The following KLHL1 variants were observed in gnomAD, a reference collection of about 807,000 sequenced individuals.
The protein encoded by KLHL1 is kelch-like protein 1.
Under a neutral mutation model 77.7 loss-of-function variants are expected in KLHL1, and 47 were observed. That is an observed-to-expected ratio of 0.60 (90% CI 0.48 to 0.77). KLHL1 has a LOEUF of 0.77. KLHL1 is among the 30% of genes least tolerant of loss of function. KLHL1 has a pLI of 0.00. For synonymous variants in KLHL1, 360 were observed against 325.2 expected, an observed-to-expected ratio of 1.11 and a Z score of -1.15; for missense variants, 925 against 910.8, an observed-to-expected ratio of 1.02 and a Z score of -0.20.
intron 6 of KLHL1, among the ~76,000 whole-genome samples, chr13:69,835,961 TCAGA>T (rs1479501779): frequency 1.3e-5 from 2 of 152,222 alleles, no homozygotes; most frequent in South Asian, 2.1e-4. Context: ...TTAGTTTGTA[TCAGA>T]CAAACTGTTC....
At chr13:69,757,731 C>A (rs1269771432) in intron 7 of KLHL1, among the ~76,000 whole-genome samples, 1 of 152,050 alleles carries the variant, frequency 6.6e-6, no homozygotes, top group African/African-American at 2.4e-5. Context: ...GCCAGAGGAT[C>A]ACCTGAGGTC....
chr13:70,022,948 A>G (rs1206783742), intron 1 of KLHL1, among the ~76,000 whole-genome samples: 2 of 151,992 alleles, frequency 1.3e-5, no homozygotes, highest in African/African-American at 4.8e-5. Flanking sequence ...CCAGAACTAT[A>G]TCATGAGTTA....
In KLHL1 at chr13:69,885,295, T is replaced by C. The variant is rs9572303; in HGVS notation, c.1015-2800A>G. On this transcript the variant is annotated intron_variant, in intron 4 of 10. Coordinates refer to ENST00000377844, the MANE Select transcript of KLHL1 (RefSeq NM_020866.3). ...TAAATAATATTCCAATAATTTTGTATTTTTATAAGTTACACTAAATCTTTT... is the reference window on the plus strand; with the variant it reads ...TAAATAATATTCCAATAATTTTGTACTTTTATAAGTTACACTAAATCTTTT... Among the ~76,000 whole-genome samples the C allele has an allele frequency of 1.1e-4, 16 of 152,304 alleles. No homozygotes were observed. In the East Asian group the frequency reaches 2.9e-3, roughly 28 times the overall value.
intron 5 of KLHL1, among the ~76,000 whole-genome samples, chr13:69,848,933 G>T (rs1390741950): frequency 1.3e-5 from 2 of 151,410 alleles, no homozygotes; most frequent in African/African-American, 2.4e-5. Flanking sequence ...TATAATTTTT[G>T]ATTAACTTTT....
At chr13:69,991,457 G>C (rs1383252056) in intron 1 of KLHL1, among the ~76,000 whole-genome samples, 2 of 151,828 alleles carry the variant, frequency 1.3e-5, no homozygotes, top group Non-Finnish European at 2.9e-5. Context: ...AGAAAAGAGA[G>C]AAGATCCAAA....
chr13:69,939,956 A>C, intron 4 of KLHL1, 84 bp downstream of exon 4: 1 of 1,049,930 alleles, frequency 9.5e-7, no homozygotes, highest in South Asian at 2.0e-5. Flanking sequence ...AACTTAAAAA[A>C]CTTGCTAATG....
intron 1 of KLHL1, among the ~76,000 whole-genome samples, chr13:70,086,969 G>A (rs1031923442): frequency 6.6e-6 from 1 of 152,146 alleles, no homozygotes; most frequent in Non-Finnish European, 1.5e-5. Flanking sequence ...GGGGGGAATG[G>A]CATGATTGAT....
chr13:69,956,306 C>T (rs1162763931), intron 3 of KLHL1, among the ~76,000 whole-genome samples: 1 of 150,232 alleles, frequency 6.7e-6, no homozygotes, highest in Admixed American at 6.7e-5. Context: ...GTTTTTCAGA[C>T]CCCATCATAA....
At chr13:69,850,350 C>T (rs1337488788) in intron 5 of KLHL1, among the ~76,000 whole-genome samples, 1 of 151,354 alleles carries the variant, frequency 6.6e-6, no homozygotes, top group Non-Finnish European at 1.5e-5. Context: ...ATACATATTT[C>T]CAAAATTTGT....
intron 6 of KLHL1, among the ~76,000 whole-genome samples, chr13:69,823,254 G>T (rs1057019776): frequency 6.6e-6 from 1 of 152,060 alleles, no homozygotes; most frequent in African/African-American, 2.4e-5. Flanking sequence ...ATGTCTCAGA[G>T]AAATAGGAAA....
intron 1 of KLHL1, among the ~76,000 whole-genome samples, chr13:70,007,616 T>A (rs1885436084): frequency 1.3e-5 from 2 of 152,038 alleles, no homozygotes; most frequent in African/African-American, 4.8e-5. Flanking sequence ...AAAATAGTCA[T>A]GGGAAATAGG....
intron 4 of KLHL1, among the ~76,000 whole-genome samples, chr13:69,933,698 C>G (rs550655600): frequency 6.6e-6 from 1 of 152,130 alleles, no homozygotes; most frequent in Non-Finnish European, 1.5e-5. Context: ...AACAAGGCAG[C>G]CTTTAATTAG....
intron 6 of KLHL1, among the ~76,000 whole-genome samples, chr13:69,813,818 C>T (rs77623707): frequency 6.6e-6 from 1 of 152,276 alleles, no homozygotes; most frequent in African/African-American, 2.4e-5. Context: ...AATGTCCATA[C>T]TGCTCAAAGC....
intron 4 of KLHL1, chr13:69,894,889 A>G (rs1292833015): frequency 9.2e-6 from 3 of 326,690 alleles, no homozygotes; most frequent in Non-Finnish European, 1.8e-5. Flanking sequence ...TAGCACCTCT[A>G]TCATGGCATG....
At chr13:69,956,536 G>A (rs1883893199) in intron 3 of KLHL1, among the ~76,000 whole-genome samples, 1 of 151,534 alleles carries the variant, frequency 6.6e-6, no homozygotes, top group Admixed American at 6.6e-5. Flanking sequence ...TATTTTGAGA[G>A]CAAGACAGCG....
chr13:69,973,293 G>A (rs7319572), intron 2 of KLHL1, among the ~76,000 whole-genome samples: 93,752 of 151,408 alleles, frequency 0.62, 29,146 homozygotes, highest in Middle Eastern at 0.65. Flanking sequence ...CCTTCAATGA[G>A]GGCAATATGT....
chr13:70,100,471 C>A (rs75560943), intron 1 of KLHL1, among the ~76,000 whole-genome samples: 16,290 of 151,916 alleles, frequency 0.11, 934 homozygotes, highest in Middle Eastern at 0.19. Flanking sequence ...TTCATTTTTA[C>A]AGATATGACA....
chr13:69,904,115 C>T (rs1002957468), intron 4 of KLHL1, among the ~76,000 whole-genome samples: 2 of 151,710 alleles, frequency 1.3e-5, no homozygotes, highest in Non-Finnish European at 2.9e-5. Flanking sequence ...CTAAAGTGAT[C>T]TTAAAGAAGA....
intron 7 of KLHL1, among the ~76,000 whole-genome samples, chr13:69,746,329 A>G: frequency 6.6e-6 from 1 of 151,524 alleles, no homozygotes. Context: ...CATTATATGG[A>G]TACATATTTG....
Sources: allele counts gnomAD v4.1 joint callset (sites outside exome capture counted in the v4.1 genomes callset), GRCh38; gene constraint gnomAD v4.1.1; transcripts MANE v1.5; gene names NCBI Gene and HGNC (gene_info 2026-07-23, HGNC 2026-07-21).